TRIM44: variants seen among roughly 807,000 people sequenced by gnomAD.
TRIM44 encodes the protein tripartite motif containing 44.
TRIM44 carries 13 observed loss-of-function variants against 37.4 expected under a neutral mutation model. The observed-to-expected ratio is 0.35, with a 90% confidence interval of 0.23 to 0.55. The LOEUF is 0.55. TRIM44 is among the 20% of genes least tolerant of loss of function. The pLI is 0.89. For synonymous variants in TRIM44, 175 were observed against 157.2 expected (o/e 1.11, Z -0.85); for missense variants, 426 against 437.2 (o/e 0.97, Z 0.23).
chr11:35,774,526 A>G (rs1479487118), intron 4 of TRIM44, among the ~76,000 whole-genome samples: 5 of 152,216 alleles, frequency 3.3e-5, no homozygotes, highest in Non-Finnish European at 7.4e-5. Flanking sequence ...TGGTGTTTTA[A>G]TCATGAAGTC....
intron 4 of TRIM44, among the ~76,000 whole-genome samples, chr11:35,743,860 C>T (rs1852449127): frequency 6.6e-6 from 1 of 152,124 alleles, no homozygotes; most frequent in Non-Finnish European, 1.5e-5. Flanking sequence ...GAAAAAGGTG[C>T]CCTTTCCTCA....
At chr11:35,666,120 T>C (rs971184550) in intron 1 of TRIM44, among the ~76,000 whole-genome samples, 1 of 152,222 alleles carries the variant, frequency 6.6e-6, no homozygotes, top group African/African-American at 2.4e-5. Context: ...TCCATACAGA[T>C]GGCCAATTGC....
intron 2 of TRIM44, chr11:35,724,435 T>C (rs1459837023): frequency 1.3e-5 from 2 of 152,262 alleles, no homozygotes; most frequent in Non-Finnish European, 2.9e-5. Context: ...AACTGTTTTC[T>C]CTTCCAGTTC....
intron 1 of TRIM44, among the ~76,000 whole-genome samples, chr11:35,669,186 A>G (rs947901991): frequency 6.6e-6 from 1 of 152,190 alleles, no homozygotes; most frequent in Non-Finnish European, 1.5e-5. Flanking sequence ...AGAGGATTCG[A>G]GTTTGATTCT....
At chr11:35,695,712 TG>T (rs1851688177) in intron 2 of TRIM44, among the ~76,000 whole-genome samples, 1 of 152,116 alleles carries the variant, frequency 6.6e-6, no homozygotes, top group Non-Finnish European at 1.5e-5. Flanking sequence ...TCATTATAGA[TG>T]AAAACACAAT....
chr11:35,770,246 T>C (rs1484970231), intron 4 of TRIM44, among the ~76,000 whole-genome samples: 1 of 152,234 alleles, frequency 6.6e-6, no homozygotes, highest in Non-Finnish European at 1.5e-5. Flanking sequence ...TTGTTCTTTT[T>C]ATGACTACAT....
chr11:35,785,723 C>T (rs574881072), intron 4 of TRIM44, among the ~76,000 whole-genome samples: 1 of 152,330 alleles, frequency 6.6e-6, no homozygotes, highest in African/African-American at 2.4e-5. Context: ...GAGAGTTCCT[C>T]TAGCAAATGT....
At chr11:35,803,671 A>G (rs980512109) in intron 4 of TRIM44, among the ~76,000 whole-genome samples, 13 of 152,214 alleles carry the variant, frequency 8.5e-5, no homozygotes, top group African/African-American at 3.1e-4. Context: ...CAGTGAGCGA[A>G]GATCGCACTG....
intron 4 of TRIM44, among the ~76,000 whole-genome samples, chr11:35,742,686 T>TTATATTAAATATAATTATATTAAC (rs1157981631): frequency 2.9e-4 from 40 of 135,820 alleles, no homozygotes; most frequent in African/African-American, 8.8e-4. Context: ...TTATATATAA[T>TTATATTAAATATAATTATATTAAC]TATATTAAAT....
Position 35,663,017 on chromosome 11 carries a change from G to A in TRIM44, c.-95G>A. 2 of 1,432,940 alleles carry A rather than the reference G, an allele frequency of 1.4e-6. No homozygotes were observed. The highest frequency in any genetic ancestry group is 1.5e-5 in the South Asian group (1 of 65,996). The allele number at this position is 1,432,940 out of a possible 1,614,324, so 88.8% of individuals were successfully genotyped here. A position where few individuals can be genotyped will look rare whatever the true frequency, so the allele number is the denominator to read the frequency against. On this transcript the variant is annotated 5_prime_UTR_variant, in exon 1 of 5. Transcript: ENST00000299413. ...GTCCAGGCGGGAGGCGACTCCCTAG[G>A]AAGGGACCCGGGGCGGGAGGAGGAA...
intron 4 of TRIM44, among the ~76,000 whole-genome samples, chr11:35,755,150 A>G (rs1303883454): frequency 1.3e-5 from 2 of 152,194 alleles, no homozygotes; most frequent in African/African-American, 2.4e-5. Context: ...ATTTCTCCAC[A>G]TCCTCTCCAG....
intron 2 of TRIM44, among the ~76,000 whole-genome samples, chr11:35,686,809 C>T (rs1851587274): frequency 6.6e-6 from 1 of 152,180 alleles, no homozygotes; most frequent in Non-Finnish European, 1.5e-5. Flanking sequence ...CTGCCCGCCT[C>T]AGTCTCCCAA....
At chr11:35,804,820 A>G (rs1278442589) in intron 4 of TRIM44, among the ~76,000 whole-genome samples, 1 of 152,194 alleles carries the variant, frequency 6.6e-6, no homozygotes, top group Non-Finnish European at 1.5e-5. Flanking sequence ...GGTGAAGATT[A>G]TTGAGTTGGT....
At chr11:35,753,292 C>G (rs943335095) in intron 4 of TRIM44, among the ~76,000 whole-genome samples, 1 of 152,156 alleles carries the variant, frequency 6.6e-6, no homozygotes, top group East Asian at 1.9e-4. Context: ...GTATTTGGGC[C>G]TCAGAGCCTA....
At chr11:35,760,269 C>T (rs550152259) in intron 4 of TRIM44, among the ~76,000 whole-genome samples, 4 of 152,306 alleles carry the variant, frequency 2.6e-5, no homozygotes, top group African/African-American at 7.2e-5. Flanking sequence ...AGCGAGGCTC[C>T]GTGGGCGTAG....
At chr11:35,687,386 G>A (rs1310132237) in intron 2 of TRIM44, among the ~76,000 whole-genome samples, 1 of 152,192 alleles carries the variant, frequency 6.6e-6, no homozygotes, top group Non-Finnish European at 1.5e-5. Flanking sequence ...AAAAATTAGA[G>A]TAACCTTTAT....
chr11:35,699,001 A>G (rs892153344), intron 2 of TRIM44, among the ~76,000 whole-genome samples: 2 of 145,912 alleles, frequency 1.4e-5, no homozygotes, highest in Non-Finnish European at 3.0e-5. Context: ...CTTTCTACAT[A>G]TGGCTAGCCA....
rs75877415 is a variant in TRIM44 at position 35,708,896 on chromosome 11, A to T, written c.748-17028A>T. Among the ~76,000 whole-genome samples the T allele has an allele frequency of 3.9e-4, 59 of 152,160 alleles. No homozygotes were observed. In the East Asian group the frequency reaches 0.011, roughly 29 times the overall value. On this transcript the variant is annotated intron_variant, in intron 2 of 4. Coordinates refer to ENST00000299413, the MANE Select transcript of TRIM44 (RefSeq NM_017583.6). ...CTGCACATTGTGCACATGTACCCTA[A>T]AACTTAAAATATAATAATAATAAAA...
intron 4 of TRIM44, among the ~76,000 whole-genome samples, chr11:35,747,881 G>A (rs929652279): frequency 2.6e-5 from 4 of 151,202 alleles, no homozygotes; most frequent in South Asian, 2.1e-4. Context: ...TGGGGGGTAC[G>A]GTGCGGGGCA....
Sources: allele counts gnomAD v4.1 joint callset (sites outside exome capture counted in the v4.1 genomes callset), GRCh38; gene constraint gnomAD v4.1.1; transcripts MANE v1.5; gene names NCBI Gene and HGNC (gene_info 2026-07-23, HGNC 2026-07-21).